The following GMDS variants were observed in gnomAD, a reference collection of about 807,000 sequenced individuals.
The protein encoded by GMDS is GDP-mannose 4,6 dehydratase.
Under a neutral mutation model 49.9 loss-of-function variants are expected in GMDS, and 20 were observed. The observed-to-expected ratio is 0.40, with a 90% CI of 0.28 to 0.58. The LOEUF is 0.58. Among genes scored for constraint, GMDS ranks in the 20% least tolerant of loss-of-function variants. The pLI is 0.42. For missense variants in GMDS, 362 were observed against 481.4 expected, an observed-to-expected ratio of 0.75 and a Z score of 2.32; for synonymous variants, 177 against 178.6, an observed-to-expected ratio of 0.99 and a Z score of 0.07.
intron 4 of GMDS, among the ~76,000 whole-genome samples, chr6:1,971,983 C>T (rs762181022): frequency 3.3e-5 from 5 of 152,114 alleles, no homozygotes; most frequent in Non-Finnish European, 2.9e-5. Flanking sequence ...TTCTGACTTA[C>T]TCCAAAACGA....
At chr6:2,221,549 C>T (rs369392515) in intron 1 of GMDS, among the ~76,000 whole-genome samples, 34 of 152,182 alleles carry the variant, frequency 2.2e-4, no homozygotes, top group Admixed American at 5.9e-4. Context: ...CCACCACGAC[C>T]GGCTAATTTT....
intron 7 of GMDS, among the ~76,000 whole-genome samples, chr6:1,824,333 G>A (rs1006206538): frequency 2.0e-5 from 3 of 152,112 alleles, no homozygotes; most frequent in African/African-American, 7.2e-5. Flanking sequence ...CACAACCAGT[G>A]AATTCAGGTG....
chr6:1,819,760 C>CAAAA (rs1197523577), intron 7 of GMDS, among the ~76,000 whole-genome samples: 18 of 111,324 alleles, frequency 1.6e-4, no homozygotes, highest in African/African-American at 4.5e-4. Context: ...GACTCTGCCT[C>CAAAA]AAAAAAAAAA....
intron 4 of GMDS, among the ~76,000 whole-genome samples, chr6:2,108,659 T>C (rs1774373168): frequency 6.6e-6 from 1 of 152,188 alleles, no homozygotes; most frequent in Non-Finnish European, 1.5e-5. Flanking sequence ...TTCACCGTAG[T>C]AAACAGTGGG....
At chr6:1,639,394 G>A (rs1462511180) in intron 9 of GMDS, among the ~76,000 whole-genome samples, 2 of 152,212 alleles carry the variant, frequency 1.3e-5, no homozygotes, top group Admixed American at 6.5e-5. Context: ...TGTGAGGAAC[G>A]AGCAGAAGGT....
At chr6:2,012,222 G>T (rs983482150) in intron 4 of GMDS, among the ~76,000 whole-genome samples, 1 of 151,594 alleles carries the variant, frequency 6.6e-6, no homozygotes, top group African/African-American at 2.4e-5. Flanking sequence ...ATATATCCAC[G>T]GATCCAAACC....
chr6:1,656,143 C>T (rs1325838941), intron 9 of GMDS, among the ~76,000 whole-genome samples: 2 of 152,184 alleles, frequency 1.3e-5, no homozygotes, highest in East Asian at 3.8e-4. Context: ...ACAAGTTGAT[C>T]TTAACTAATA....
chr6:1,748,224 T>G (rs1224594417), intron 7 of GMDS, among the ~76,000 whole-genome samples: 1 of 152,228 alleles, frequency 6.6e-6, no homozygotes, highest in Non-Finnish European at 1.5e-5. Context: ...TCTGAATCAG[T>G]TTTCTAGGAT....
chr6:1,767,849 TCATTAAA>T (rs1298211066), intron 7 of GMDS, among the ~76,000 whole-genome samples: 1 of 152,096 alleles, frequency 6.6e-6, no homozygotes, highest in Non-Finnish European at 1.5e-5. Flanking sequence ...GGAGAGAGTT[TCATTAAA>T]AACAGAATAC....
chr6:1,984,290 T>C (rs1765406274), intron 4 of GMDS, among the ~76,000 whole-genome samples: 1 of 152,132 alleles, frequency 6.6e-6, no homozygotes, highest in Admixed American at 6.5e-5. Context: ...AATACCTAGA[T>C]GATGAGATGA....
chr6:2,162,828 C>A (rs1290917536), intron 1 of GMDS, among the ~76,000 whole-genome samples: 1 of 152,052 alleles, frequency 6.6e-6, no homozygotes, highest in Non-Finnish European at 1.5e-5. Flanking sequence ...TACTTCCCAC[C>A]CACACTGCTT....
In GMDS at chr6:1,915,499, G is replaced by A. The variant is rs377134975; in HGVS notation, c.771+14604C>T. On this transcript the variant is annotated intron_variant, in intron 7 of 10. Coordinates refer to ENST00000380815, the MANE Select transcript of GMDS (RefSeq NM_001500.4). The stretch of plus-strand genomic sequence containing the variant: ...GCAGCTCCCAGCTCCGGAGGAGGAC[G>A]CTGGGGCCCTGCCCAAGGCCGAGAA... Among the ~76,000 whole-genome samples, 68 of 152,342 alleles carry A rather than the reference G, an allele frequency of 4.5e-4. 1 individual carries two copies. The South Asian group carries it at 0.012, about 27-fold the overall frequency.
At chr6:1,961,350 T>A (rs1379016742) in intron 4 of GMDS, among the ~76,000 whole-genome samples, 1 of 152,204 alleles carries the variant, frequency 6.6e-6, no homozygotes, top group South Asian at 2.1e-4. Flanking sequence ...ACATTTTTAA[T>A]GAGCCCCAGT....
chr6:1,798,351 G>A (rs1257463786), intron 7 of GMDS, among the ~76,000 whole-genome samples: 9 of 151,948 alleles, frequency 5.9e-5, no homozygotes, highest in Admixed American at 1.3e-4. Context: ...ACTGTGGTAT[G>A]ATTTTCATAT....
At chr6:2,003,637 T>G (rs941823291) in intron 4 of GMDS, among the ~76,000 whole-genome samples, 1 of 152,156 alleles carries the variant, frequency 6.6e-6, no homozygotes, top group African/African-American at 2.4e-5. Flanking sequence ...CATAAAGTAT[T>G]TGCCTTACAA....
At chr6:2,016,867 T>C (rs896467245) in intron 4 of GMDS, among the ~76,000 whole-genome samples, 5 of 152,172 alleles carry the variant, frequency 3.3e-5, no homozygotes, top group African/African-American at 9.7e-5. Flanking sequence ...TTTTAATTGA[T>C]TGAAAATTAA....
At chr6:2,131,295 T>C (rs1775724929) in intron 1 of GMDS, among the ~76,000 whole-genome samples, 1 of 152,040 alleles carries the variant, frequency 6.6e-6, no homozygotes, top group South Asian at 2.1e-4. Context: ...GACTAAAGGG[T>C]TTAAAACAAG....
chr6:2,154,863 C>CAAAAAAAAAAAAAAAAAAA (rs70992124), intron 1 of GMDS, among the ~76,000 whole-genome samples: 7 of 65,622 alleles, frequency 1.1e-4, no homozygotes, highest in East Asian at 5.6e-4. Flanking sequence ...TGAAGAGATG[C>CAAAAAAAAAAAAAAAAAAA]AAAAAAAAAA....
chr6:2,213,276 C>G (rs1029412560), intron 1 of GMDS, among the ~76,000 whole-genome samples: 1 of 152,182 alleles, frequency 6.6e-6, no homozygotes, highest in African/African-American at 2.4e-5. Flanking sequence ...TTGGTGAAAC[C>G]TGGCAGTGGG....
Sources: gnomAD v4.1 joint callset for allele counts (sites outside exome capture counted in the v4.1 genomes callset) on GRCh38, gnomAD v4.1.1 for gene constraint, MANE v1.5 for transcripts, NCBI Gene and HGNC (gene_info 2026-07-23, HGNC 2026-07-21) for gene names.